RABGAP1L: variants seen among roughly 807,000 people sequenced by gnomAD.
The protein encoded by RABGAP1L is rab GTPase-activating protein 1-like.
RABGAP1L carries 63 observed loss-of-function variants against 137.7 expected under a neutral mutation model. The observed-to-expected ratio is 0.46, with a 90% CI of 0.37 to 0.56. The LOEUF is 0.56. Among genes scored for constraint, RABGAP1L ranks in the 20% least tolerant of loss-of-function variants. The pLI, the probability that RABGAP1L is intolerant of heterozygous loss-of-function variation, is 0.00. For missense variants in RABGAP1L, 1,095 were observed against 1,244.0 expected, an observed-to-expected ratio of 0.88 and a Z score of 1.80; for synonymous variants, 431 against 433.7, an observed-to-expected ratio of 0.99 and a Z score of 0.08.
intron 21 of RABGAP1L, among the ~76,000 whole-genome samples, chr1:174,970,054 T>C (rs770715874): frequency 4.6e-5 from 7 of 152,164 alleles, no homozygotes; most frequent in Admixed American, 3.9e-4. Flanking sequence ...ACAAAAACTG[T>C]GTTGTTTGGG....
At chr1:174,923,167 G>T (rs970441904) in intron 19 of RABGAP1L, among the ~76,000 whole-genome samples, 2 of 151,156 alleles carry the variant, frequency 1.3e-5, no homozygotes, top group African/African-American at 4.9e-5. Context: ...AAAAAGTAGA[G>T]CATATCTATA....
chr1:174,350,110 G>C, intron 11 of RABGAP1L, among the ~76,000 whole-genome samples: 1 of 134,518 alleles, frequency 7.4e-6, no homozygotes, highest in African/African-American at 2.9e-5. Context: ...CCTCCCTCCC[G>C]GACGGCACGG....
intron 17 of RABGAP1L, among the ~76,000 whole-genome samples, chr1:174,749,767 CAGGAT>C (rs921999191): frequency 6.6e-6 from 1 of 152,170 alleles, no homozygotes; most frequent in Admixed American, 6.5e-5. Context: ...CCAATCTCTT[CAGGAT>C]CAGAAAGTGA....
intron 18 of RABGAP1L, among the ~76,000 whole-genome samples, chr1:174,773,183 T>TGTGTGTGTGTGTGTGTGTGTGTGTG (rs1558063939): frequency 6.9e-6 from 1 of 145,668 alleles, no homozygotes; most frequent in Admixed American, 6.9e-5. Flanking sequence ...TGTGTGTGTG[T>TGTGTGTGTGTGTGTGTGTGTGTGTG]TTATTTTAAA....
Position 174,678,533 on chromosome 1 carries a change from A to T in RABGAP1L, c.1825-4989A>T, listed in dbSNP as rs534368813. Among the ~76,000 whole-genome samples, 5 of 152,318 alleles carry T rather than the reference A, an allele frequency of 3.3e-5. No individual in the cohort carries two copies. The East Asian group carries it at 9.6e-4, about 29-fold the overall frequency. On this transcript the variant is annotated intron_variant, in intron 14 of 25. Coordinates refer to ENST00000681986, the MANE Select transcript of RABGAP1L (RefSeq NM_001366446.1). ...AAGGATAATAACTCTTGACCCATAT[A>T]TACAAGGTTGGTCCAGCATTTGAAA...
chr1:174,758,173 C>T (rs1467772870), intron 18 of RABGAP1L, among the ~76,000 whole-genome samples: 2 of 152,074 alleles, frequency 1.3e-5, no homozygotes, highest in Admixed American at 6.6e-5. Flanking sequence ...TAATGACATA[C>T]ACAACGCTTC....
chr1:174,197,901 A>G (rs914080500), intron 1 of RABGAP1L, among the ~76,000 whole-genome samples: 2 of 152,192 alleles, frequency 1.3e-5, no homozygotes, highest in African/African-American at 4.8e-5. Flanking sequence ...CCCATTTTAT[A>G]TGAATGTGTT....
chr1:174,808,690 G>A (rs552121042), intron 18 of RABGAP1L, among the ~76,000 whole-genome samples: 71 of 147,660 alleles, frequency 4.8e-4, no homozygotes, highest in African/African-American at 1.4e-3. Flanking sequence ...TTTCACTCTT[G>A]TTGCCCAGGC....
chr1:174,237,760 C>G (rs1229639425), intron 4 of RABGAP1L, among the ~76,000 whole-genome samples: 3 of 135,560 alleles, frequency 2.2e-5, no homozygotes, highest in Non-Finnish European at 4.7e-5. Flanking sequence ...TGGAGTTGCT[C>G]TTCTCGAGGA....
intron 19 of RABGAP1L, chr1:174,875,523 A>G (rs1573615316): frequency 1.0e-6 from 1 of 985,390 alleles, no homozygotes; most frequent in Non-Finnish European, 1.2e-6. Flanking sequence ...TTGTCAGTGC[A>G]CCTTATTCAG....
chr1:174,544,430 A>G (rs1665803947), intron 13 of RABGAP1L, among the ~76,000 whole-genome samples: 3 of 152,052 alleles, frequency 2.0e-5, no homozygotes, highest in African/African-American at 7.2e-5. Flanking sequence ...TTCTCTTGCC[A>G]TGGTTTTCAG....
chr1:174,420,714 A>G lies in RABGAP1L; in HGVS notation c.1710+26569A>G, dbSNP rs58225188. ...TTTTGAGACGGAGTCTTGCTCTGTC[A>G]CCCAGGCTGGAGTGCAGTGGCGTAA... On this transcript the variant is annotated intron_variant, in intron 13 of 25. Transcript: ENST00000681986. Among the ~76,000 whole-genome samples, 241 of 140,416 alleles carry G rather than the reference A, an allele frequency of 1.7e-3. 2 individuals carry two copies. Among genetic ancestry groups the G allele is most frequent in the South Asian group, 7.4e-3 (34 of 4,606 alleles). The allele number at this position is 140,416 out of a possible 152,430, so 92.1% of individuals were successfully genotyped here.
Position 174,637,480 on chromosome 1 carries a change from A to T in RABGAP1L, c.1816A>T (p.Ile606Phe). ...AGATGGTCAAGAATCGCTCTATAAG[A>T]TCTGCAAGGTAGGACTCTCTTCCTC... ...GGDGQESLYK[I>F]CKAYSVYDED... Residue 606 changes from isoleucine (I) to phenylalanine (F), a missense_variant, in exon 14 of 26, where the codon ATC becomes TTC. Ile to Phe is a conservative substitution (Grantham distance 21). Transcript: ENST00000681986. The T allele has an allele frequency of 6.3e-7, 1 of 1,595,462 alleles. No individual in the cohort carries two copies.
Position 174,617,322 on chromosome 1 carries a change from C to T in RABGAP1L, c.1711-20053C>T, listed in dbSNP as rs190800453. ...TAGCAGAAACAGCAACTGACCCTCTCGAATAGTGAAAAATGAAGAAAGTAG... is the reference window on the plus strand; with the variant it reads ...TAGCAGAAACAGCAACTGACCCTCTTGAATAGTGAAAAATGAAGAAAGTAG... On this transcript the variant is annotated intron_variant, in intron 13 of 25. Transcript: ENST00000681986. 7.2e-5 allele frequency among the ~76,000 whole-genome samples: 11 copies of T among 152,142 alleles called. No homozygotes were observed. The East Asian group carries it at 1.4e-3, about 19-fold the overall frequency.
At chr1:174,397,951 T>G (rs1173342878) in intron 13 of RABGAP1L, among the ~76,000 whole-genome samples, 2 of 152,156 alleles carry the variant, frequency 1.3e-5, no homozygotes, top group Admixed American at 6.5e-5. Flanking sequence ...ACAATTGTAG[T>G]TTAGTGTTTT....
At chr1:174,332,031 C>T (rs945573722) in intron 11 of RABGAP1L, among the ~76,000 whole-genome samples, 1 of 152,066 alleles carries the variant, frequency 6.6e-6, no homozygotes, top group African/African-American at 2.4e-5. Flanking sequence ...CATGGATTGA[C>T]TTTGTTCTTA....
chr1:174,168,132 G>A (rs902930476), intron 1 of RABGAP1L, among the ~76,000 whole-genome samples: 1 of 152,048 alleles, frequency 6.6e-6, no homozygotes, highest in Non-Finnish European at 1.5e-5. Context: ...GAATGTGGTG[G>A]TGTGTGCCTG....
At chr1:174,895,749 A>G (rs981012820) in intron 19 of RABGAP1L, among the ~76,000 whole-genome samples, 4 of 152,184 alleles carry the variant, frequency 2.6e-5, no homozygotes, top group African/African-American at 9.7e-5. Flanking sequence ...AGCTTCATCC[A>G]TGTCCCTATA....
At chr1:174,980,306 A>G (rs868634175) in intron 23 of RABGAP1L, among the ~76,000 whole-genome samples, 3 of 152,216 alleles carry the variant, frequency 2.0e-5, no homozygotes, top group South Asian at 2.1e-4. Context: ...GATAATCAAC[A>G]TATGTTTATT....
Sources: gnomAD v4.1 joint callset for allele counts (sites outside exome capture counted in the v4.1 genomes callset) on GRCh38, gnomAD v4.1.1 for gene constraint, MANE v1.5 for transcripts, NCBI Gene and HGNC (gene_info 2026-07-23, HGNC 2026-07-21) for gene names.